Variants in LMNTD1 observed in about 807,000 individuals in gnomAD.
LMNTD1 encodes the protein lamin tail domain containing 1.
In LMNTD1, 35 loss-of-function variants were observed where a neutral mutation model predicts 50.9. The ratio of observed to expected loss-of-function variants is 0.69; its 90% CI spans 0.53 to 0.91. The LOEUF is 0.91. Ranked by LOEUF, LMNTD1 falls within the 40% of genes least tolerant of loss-of-function variation. The pLI, the probability that LMNTD1 is intolerant of heterozygous loss-of-function variation, is 0.00. For missense variants in LMNTD1, 470 were observed against 475.5 expected, an observed-to-expected ratio of 0.99 and a Z score of 0.11; for synonymous variants, 153 against 161.9, an observed-to-expected ratio of 0.94 and a Z score of 0.42.
At chr12:25,641,783 G>A (rs996360666) in intron 1 of LMNTD1, among the ~76,000 whole-genome samples, 8 of 152,014 alleles carry the variant, frequency 5.3e-5, no homozygotes, top group Non-Finnish European at 1.2e-4. Context: ...TGCACAATTT[G>A]GAAATTAAAC....
chr12:25,607,776 A>G (rs916773466), intron 1 of LMNTD1, among the ~76,000 whole-genome samples: 1 of 152,074 alleles, frequency 6.6e-6, no homozygotes, highest in Non-Finnish European at 1.5e-5. Context: ...TTTTGGAAAA[A>G]GTGTGATTTG....
Position 25,603,634 on chromosome 12 carries a change from G to T in LMNTD1, c.58+44860C>A, listed in dbSNP as rs185256384. Among the ~76,000 whole-genome samples the T allele has an allele frequency of 6.4e-4, 98 of 152,054 alleles. 2 individuals carry two copies. The highest frequency in any genetic ancestry group is 2.1e-3 in the African/African-American group (89 of 41,484). ...AAATAAAGAAATTCTATTATACTAG[G>T]TCTTATAGGGGATTAACAATACAGA... On this transcript the variant is annotated intron_variant, in intron 1 of 7. Transcript: ENST00000445693.
At chr12:25,553,486 A>T (rs768953843), upstream of LMNTD1, among the ~76,000 whole-genome samples, 1 of 152,144 alleles carries the variant, frequency 6.6e-6, no homozygotes, top group African/African-American at 2.4e-5. Flanking sequence ...CTTGTTTTGT[A>T]TTTCTAAGAG....
intron 7 of LMNTD1, among the ~76,000 whole-genome samples, chr12:25,519,587 C>CAAAAAAA (rs58304861): frequency 3.2e-5 from 3 of 94,712 alleles, no homozygotes; most frequent in Non-Finnish European, 5.6e-5. Context: ...GACTCTGTCT[C>CAAAAAAA]AAAAAAAAAA....
rs764865183 is a variant in LMNTD1 at position 25,552,986 on chromosome 12, T to C, written c.-27A>G. 74 of 1,610,274 alleles carry C rather than the reference T, an allele frequency of 4.6e-5. No individual in the cohort carries two copies. The highest frequency in any genetic ancestry group is 6.3e-5 in the Non-Finnish European group (74 of 1,177,604). ...TTGGCTAGAAAAGAAGTCTCTTTTCTTTCCTAGGAAAGCAGATCATGACAT... is the reference window on the plus strand; with the variant it reads ...TTGGCTAGAAAAGAAGTCTCTTTTCCTTCCTAGGAAAGCAGATCATGACAT... On this transcript the variant is annotated 5_prime_UTR_variant, in exon 2 of 10. Coordinates refer to ENST00000458174, the MANE Select transcript of LMNTD1 (RefSeq NM_001145728.2).
intron 1 of LMNTD1, among the ~76,000 whole-genome samples, chr12:25,646,365 C>T (rs1453930088): frequency 6.6e-6 from 1 of 152,114 alleles, no homozygotes; most frequent in East Asian, 1.9e-4. Flanking sequence ...CATCTGCCCC[C>T]GATTTGTCAT....
At position 25,636,858 on chromosome 12, in the gene LMNTD1, A is replaced by G. The variant is rs146822335; in HGVS notation, c.58+11636T>C. 3.3e-4 allele frequency among the ~76,000 whole-genome samples: 51 copies of G among 152,304 alleles called. 1 individual carries two copies. The highest frequency in any genetic ancestry group is 1.2e-3 in the African/African-American group (50 of 41,566). The stretch of plus-strand genomic sequence containing the variant: ...AGCAATCTTCACTTAGAATAATTGG[A>G]GATTATTATTCTGGTGAAGTAACTC... On this transcript the variant is annotated intron_variant, in intron 1 of 7. Transcript: ENST00000445693.
chr12:25,622,240 TA>T (rs1432424876), intron 1 of LMNTD1, among the ~76,000 whole-genome samples: 1 of 152,086 alleles, frequency 6.6e-6, no homozygotes. Context: ...CCTTGTATGA[TA>T]AAAACACTCA....
At chr12:25,621,591 C>T (rs944420863) in intron 1 of LMNTD1, among the ~76,000 whole-genome samples, 2 of 152,148 alleles carry the variant, frequency 1.3e-5, no homozygotes, top group Non-Finnish European at 2.9e-5. Flanking sequence ...AAGTTTGTAT[C>T]GTTTGACCAA....
At chr12:25,511,783 T>C (rs1433865713) in intron 8 of LMNTD1, among the ~76,000 whole-genome samples, 6 of 152,198 alleles carry the variant, frequency 3.9e-5, no homozygotes, top group Admixed American at 2.0e-4. Context: ...TACCAAACTT[T>C]CTGGACTAAC....
chr12:25,628,631 A>G (rs1752119570), intron 1 of LMNTD1, among the ~76,000 whole-genome samples: 2 of 152,210 alleles, frequency 1.3e-5, no homozygotes, highest in African/African-American at 4.8e-5. Flanking sequence ...TGACATAATC[A>G]TAGGAGTCCT....
chr12:25,494,095 C>T (rs979170780), intron 9 of LMNTD1, among the ~76,000 whole-genome samples: 2 of 152,200 alleles, frequency 1.3e-5, no homozygotes, highest in East Asian at 1.9e-4. Flanking sequence ...AGGCATAAGA[C>T]ATAAACTTGA....
intron 1 of LMNTD1, among the ~76,000 whole-genome samples, chr12:25,608,873 G>A (rs1592100652): frequency 6.6e-6 from 1 of 152,162 alleles, no homozygotes; most frequent in African/African-American, 2.4e-5. Flanking sequence ...GCCCTGCCTT[G>A]TTTGGTTGGG....
At chr12:25,560,528 T>C (rs1414047629) in intron 1 of LMNTD1, among the ~76,000 whole-genome samples, 1 of 152,254 alleles carries the variant, frequency 6.6e-6, no homozygotes, top group Non-Finnish European at 1.5e-5. Flanking sequence ...CAATGAGGGC[T>C]CTTTTTTGGT....
At chr12:25,562,708 CT>C (rs1159721514) in intron 1 of LMNTD1, among the ~76,000 whole-genome samples, 8 of 152,210 alleles carry the variant, frequency 5.3e-5, no homozygotes, top group African/African-American at 1.4e-4. Context: ...GGAAGTTCTC[CT>C]GGATAATATC....
chr12:25,597,637 G>A (rs183650900), intron 1 of LMNTD1, among the ~76,000 whole-genome samples: 2 of 152,002 alleles, frequency 1.3e-5, no homozygotes, highest in Non-Finnish European at 1.5e-5. Context: ...ATACACTATA[G>A]GCCAAAAGGA....
intron 8 of LMNTD1, among the ~76,000 whole-genome samples, chr12:25,512,599 T>C (rs1190288877): frequency 6.6e-6 from 1 of 152,092 alleles, no homozygotes; most frequent in Non-Finnish European, 1.5e-5. Context: ...GTCGAAATAA[T>C]AGTGGAATTT....
intron 1 of LMNTD1, among the ~76,000 whole-genome samples, chr12:25,579,243 T>C (rs1272944843): frequency 6.6e-6 from 1 of 152,214 alleles, no homozygotes; most frequent in Non-Finnish European, 1.5e-5. Context: ...TTAAAATGAA[T>C]AGTTGCATCT....
chr12:25,526,589 G>A (rs1239738165), intron 5 of LMNTD1, among the ~76,000 whole-genome samples, 180 bp downstream of exon 5: 1 of 152,082 alleles, frequency 6.6e-6, no homozygotes, highest in Non-Finnish European at 1.5e-5. Flanking sequence ...TTAACTGTGG[G>A]TATTAATTAA....
Sources: gnomAD v4.1 joint callset for allele counts (sites outside exome capture counted in the v4.1 genomes callset) on GRCh38, gnomAD v4.1.1 for gene constraint, MANE v1.5 for transcripts, NCBI Gene and HGNC (gene_info 2026-07-23, HGNC 2026-07-21) for gene names.